Variants in PPP4R4 observed in about 807,000 individuals in gnomAD.
PPP4R4 encodes the protein serine/threonine-protein phosphatase 4 regulatory subunit 4.
PPP4R4 carries 70 observed loss-of-function variants against 121.8 expected under a neutral mutation model. That is an observed-to-expected ratio of 0.57 (90% confidence interval 0.47 to 0.70). PPP4R4 has a LOEUF of 0.70. Ranked by LOEUF, PPP4R4 falls within the 30% of genes least tolerant of loss-of-function variation. PPP4R4 has a pLI of 0.00. For synonymous variants in PPP4R4, 348 were observed against 355.7 expected, an observed-to-expected ratio of 0.98 and a Z score of 0.24; for missense variants, 875 against 1,033.6, an observed-to-expected ratio of 0.85 and a Z score of 2.10.
chr14:94,247,210 A>G (rs1313226577), intron 14 of PPP4R4, among the ~76,000 whole-genome samples: 3 of 152,244 alleles, frequency 2.0e-5, no homozygotes, highest in Admixed American at 6.5e-5. Flanking sequence ...TTAACATGAC[A>G]TCCTATTGCA....
At chr14:94,242,193 A>G in intron 10 of PPP4R4, 96 bp from the exon 11 acceptor site, 1 of 1,402,378 alleles carries the variant, frequency 7.1e-7, no homozygotes, top group Non-Finnish European at 9.8e-7. Context: ...AATTCAGAGA[A>G]CATGATTTCA....
intron 19 of PPP4R4, among the ~76,000 whole-genome samples, chr14:94,264,285 A>G (rs1469762176): frequency 6.6e-6 from 1 of 152,064 alleles, no homozygotes; most frequent in Non-Finnish European, 1.5e-5. Flanking sequence ...AGTAGCTGGG[A>G]TTACAGGCGT....
chr14:94,265,771 C>T (rs761035539), intron 21 of PPP4R4, 23 bp from the exon 22 acceptor site: 2 of 1,543,672 alleles, frequency 1.3e-6, no homozygotes, highest in Admixed American at 1.8e-5. Context: ...ATACATTTTT[C>T]TTTTTTCTGC....
At chr14:94,214,369 T>A (rs983160778) in intron 3 of PPP4R4, among the ~76,000 whole-genome samples, 3 of 152,098 alleles carry the variant, frequency 2.0e-5, no homozygotes, top group Non-Finnish European at 2.9e-5. Context: ...CAATGTGAAA[T>A]GTGATTTCCT....
chr14:94,267,745 C>A (rs796504185), intron 23 of PPP4R4, among the ~76,000 whole-genome samples: 6 of 152,220 alleles, frequency 3.9e-5, no homozygotes, highest in African/African-American at 1.4e-4. Context: ...TACTATTGAT[C>A]TATGGTAATT....
At chr14:94,201,313 G>A (rs146228444) in intron 2 of PPP4R4, among the ~76,000 whole-genome samples, 2 of 152,256 alleles carry the variant, frequency 1.3e-5, no homozygotes, top group East Asian at 3.9e-4. Context: ...TTGTTGGGTA[G>A]CATGTTCTGT....
chr14:94,256,385 A>G (rs1317084992), intron 16 of PPP4R4, 75 bp from the exon 17 acceptor site: 63 of 1,271,394 alleles, frequency 5.0e-5, no homozygotes, highest in Middle Eastern at 2.8e-4. Flanking sequence ...GCTATCTAAA[A>G]CTTGATTTTT....
chr14:94,254,123 T>G (rs1022032891), intron 16 of PPP4R4, among the ~76,000 whole-genome samples: 2 of 152,150 alleles, frequency 1.3e-5, no homozygotes, highest in Admixed American at 1.3e-4. Context: ...ATCTGAAAGG[T>G]GTGGTCCCTA....
At chr14:94,175,711 T>A (rs1003826179) in intron 1 of PPP4R4, 7 of 277,922 alleles carry the variant, frequency 2.5e-5, no homozygotes, top group African/African-American at 1.1e-4. Flanking sequence ...AGCCTTGAAG[T>A]ATTAGAGATA....
intron 3 of PPP4R4, among the ~76,000 whole-genome samples, chr14:94,222,088 C>T (rs952903821): frequency 6.6e-6 from 1 of 151,898 alleles, no homozygotes; most frequent in Non-Finnish European, 1.5e-5. Flanking sequence ...ATTTTGTAAA[C>T]AACATGATTG....
intron 16 of PPP4R4, among the ~76,000 whole-genome samples, chr14:94,253,311 T>C (rs542945737): frequency 1.3e-5 from 2 of 152,208 alleles, no homozygotes; most frequent in South Asian, 4.2e-4. Context: ...AATACAAAAA[T>C]GAGCCGGTCG....
At chr14:94,226,845 A>G (rs1486834511) in intron 3 of PPP4R4, among the ~76,000 whole-genome samples, 1 of 152,162 alleles carries the variant, frequency 6.6e-6, no homozygotes, top group Non-Finnish European at 1.5e-5. Flanking sequence ...TTTCAGTTTT[A>G]TTCAATAAGA....
intron 16 of PPP4R4, among the ~76,000 whole-genome samples, chr14:94,254,959 C>T (rs1456198548): frequency 6.6e-6 from 1 of 152,134 alleles, no homozygotes; most frequent in South Asian, 2.1e-4. Context: ...TCCTTTTCTT[C>T]TCTAACTGTA....
chr14:94,233,936 A>G (rs578247600), intron 6 of PPP4R4, among the ~76,000 whole-genome samples, 177 bp downstream of exon 6: 2 of 152,266 alleles, frequency 1.3e-5, no homozygotes, highest in Admixed American at 6.5e-5. Flanking sequence ...TTTCTTTTCA[A>G]TCTCATAACT....
intron 2 of PPP4R4, among the ~76,000 whole-genome samples, chr14:94,205,843 G>C (rs139358598): frequency 2.0e-5 from 3 of 151,878 alleles, no homozygotes; most frequent in African/African-American, 7.2e-5. Flanking sequence ...ATTGTGGTTA[G>C]AGAAAATTCT....
chr14:94,232,719 A>G (rs985082564), intron 5 of PPP4R4, among the ~76,000 whole-genome samples: 1 of 152,204 alleles, frequency 6.6e-6, no homozygotes, highest in African/African-American at 2.4e-5. Flanking sequence ...AGTAGGACAT[A>G]TTCTTGTTTC....
intron 13 of PPP4R4, 110 bp from the exon 14 acceptor site, chr14:94,246,247 C>G: frequency 1.1e-6 from 1 of 890,594 alleles, no homozygotes; most frequent in Non-Finnish European, 1.6e-6. Flanking sequence ...GTCTCCTAAA[C>G]TCTGAAATGA....
At chr14:94,266,914 A>G in intron 22 of PPP4R4, 45 bp from the exon 23 acceptor site, 5 of 1,252,802 alleles carry the variant, frequency 4.0e-6, no homozygotes, top group Non-Finnish European at 5.8e-6. Flanking sequence ...TGAGATTGTA[A>G]GAAGTGTGTT....
intron 3 of PPP4R4, chr14:94,227,587 A>T (rs1595498175): frequency 7.7e-7 from 1 of 1,295,560 alleles, no homozygotes; most frequent in Non-Finnish European, 9.8e-7. Context: ...AGTTGGGGCA[A>T]ATGTTGCTGC....
Sources: gnomAD v4.1 joint callset for allele counts (sites outside exome capture counted in the v4.1 genomes callset) on GRCh38, gnomAD v4.1.1 for gene constraint, MANE v1.5 for transcripts, NCBI Gene and HGNC (gene_info 2026-07-23, HGNC 2026-07-21) for gene names.